The following XRCC5 variants were observed in gnomAD, a reference collection of about 807,000 sequenced individuals.
XRCC5 encodes the protein X-ray repair cross complementing 5, also known as DNA repair protein Ku80.
A neutral mutation model predicts 95.7 loss-of-function variants in XRCC5; 12 were observed. That is an observed-to-expected ratio of 0.13 (90% confidence interval 0.08 to 0.20). XRCC5 has a LOEUF of 0.20. Among genes scored for constraint, XRCC5 ranks in the 10% least tolerant of loss-of-function variants. XRCC5 has a pLI of 1.00. For synonymous variants in XRCC5, 281 were observed against 290.3 expected (o/e 0.97, Z 0.33); for missense variants, 595 against 873.9 (o/e 0.68, Z 4.02).
At chr2:216,138,022 G>T in intron 11 of XRCC5, 67 bp from the exon 12 acceptor site, 2 of 1,323,366 alleles carry the variant, frequency 1.5e-6, no homozygotes, top group Non-Finnish European at 2.1e-6. Context: ...CACAGAATTT[G>T]GGATCAGTTT....
rs754133659 is a variant in XRCC5 at position 216,141,200 on chromosome 2, G to T, written c.1357G>T (p.Ala453Ser). 1.9e-6 allele frequency: 3 copies of T among 1,614,100 alleles called. No individual in the cohort carries two copies. The South Asian group carries it at 3.3e-5, about 18-fold the overall frequency. The change falls in exon 13 of 21, where the codon GCT becomes TCT. Residue 453 changes from alanine (A) to serine (S), a missense_variant. By Grantham distance (99) the Ala-to-Ser change is moderately conservative. Coordinates refer to ENST00000392132, the MANE Select transcript of XRCC5 (RefSeq NM_021141.4). ...CTCTGTTTAAGAGGCACAGTTGAAT[G>T]CTGTTGATGCTTTGATTGACTCCAT... ...KYAPTEAQLN[A>S]VDALIDSMSL... is the part of the protein sequence containing the mutation.
At chr2:216,115,165 G>A (rs1404467065) in intron 2 of XRCC5, among the ~76,000 whole-genome samples, 1 of 118,022 alleles carries the variant, frequency 8.5e-6, no homozygotes, top group Non-Finnish European at 1.9e-5. Flanking sequence ...GCTTATGTCT[G>A]TCGTTTCAAT....
At chr2:216,183,541 A>G (rs1355583875) in intron 16 of XRCC5, among the ~76,000 whole-genome samples, 1 of 152,190 alleles carries the variant, frequency 6.6e-6, no homozygotes, top group South Asian at 2.1e-4. Context: ...ACAGGACTGC[A>G]TCTGTGTGTT....
intron 16 of XRCC5, among the ~76,000 whole-genome samples, chr2:216,172,967 T>C (rs1689198480): frequency 6.6e-6 from 1 of 152,208 alleles, no homozygotes; most frequent in African/African-American, 2.4e-5. Flanking sequence ...GCTCTTTTAT[T>C]AAATTTATTG....
chr2:216,116,562 T>C, intron 2 of XRCC5, 97 bp from the exon 3 acceptor site: 1 of 1,373,648 alleles, frequency 7.3e-7, no homozygotes, highest in South Asian at 1.2e-5. Flanking sequence ...GGACCTGCCA[T>C]AGGGAGGTCT....
At chr2:216,126,389 G>T (rs1448231330) in intron 7 of XRCC5, among the ~76,000 whole-genome samples, 1 of 152,156 alleles carries the variant, frequency 6.6e-6, no homozygotes, top group Non-Finnish European at 1.5e-5. Context: ...ATGCACCAAA[G>T]TTAAGTTCAG....
chr2:216,154,702 T>A (rs1383671051), intron 14 of XRCC5, among the ~76,000 whole-genome samples: 1 of 152,212 alleles, frequency 6.6e-6, no homozygotes. Flanking sequence ...TGAACTGTCT[T>A]CCCAGAAAAA....
intron 18 of XRCC5, among the ~76,000 whole-genome samples, chr2:216,193,890 G>A (rs1307843912): frequency 1.3e-5 from 2 of 152,158 alleles, no homozygotes; most frequent in African/African-American, 2.4e-5. Flanking sequence ...AGGAAGAAGA[G>A]CAAACTAAAG....
At chr2:216,156,895 G>A (rs774769875) in intron 14 of XRCC5, 7 of 329,872 alleles carry the variant, frequency 2.1e-5, no homozygotes, top group Non-Finnish European at 3.6e-5. Context: ...AAGGAAAATG[G>A]AAGAAGGGCT....
intron 16 of XRCC5, among the ~76,000 whole-genome samples, chr2:216,187,684 T>TA: frequency 6.6e-6 from 1 of 151,884 alleles, no homozygotes. Flanking sequence ...ATGCTCTTTT[T>TA]ACTCTTTTCC....
intron 13 of XRCC5, among the ~76,000 whole-genome samples, chr2:216,142,274 T>G (rs1445956031): frequency 6.6e-6 from 1 of 152,158 alleles, no homozygotes; most frequent in African/African-American, 2.4e-5. Flanking sequence ...TAATATAACA[T>G]TGTTAGAGAA....
chr2:216,121,270 C>T (rs1292145854), intron 5 of XRCC5, among the ~76,000 whole-genome samples: 1 of 152,224 alleles, frequency 6.6e-6, no homozygotes, highest in East Asian at 1.9e-4. Context: ...ATGCAAATTA[C>T]ATCATGCTGT....
chr2:216,140,286 A>T (rs1200145473), intron 12 of XRCC5, among the ~76,000 whole-genome samples: 1 of 152,248 alleles, frequency 6.6e-6, no homozygotes, highest in Non-Finnish European at 1.5e-5. Context: ...AGTATAATGT[A>T]CTTTTTAGGA....
chr2:216,128,298 C>T (rs1277485165), intron 8 of XRCC5, among the ~76,000 whole-genome samples: 1 of 152,054 alleles, frequency 6.6e-6, no homozygotes, highest in Non-Finnish European at 1.5e-5. Flanking sequence ...AAACAAGAGT[C>T]CTTAGATAAA....
intron 3 of XRCC5, 149 bp downstream of exon 3, chr2:216,116,991 T>G (rs1696709221): frequency 1.2e-6 from 1 of 822,712 alleles, no homozygotes; most frequent in Non-Finnish European, 1.9e-6. Context: ...TTAATAGGGT[T>G]TAATGTGAAA....
chr2:216,189,347 G>C (rs1380535198), intron 16 of XRCC5, among the ~76,000 whole-genome samples: 2 of 152,220 alleles, frequency 1.3e-5, no homozygotes, highest in Non-Finnish European at 2.9e-5. Context: ...GGAGCCTTTA[G>C]GCATGATTAC....
intron 16 of XRCC5, chr2:216,175,266 C>A: frequency 2.3e-6 from 1 of 426,142 alleles, no homozygotes; most frequent in Non-Finnish European, 4.6e-6. Flanking sequence ...CCATAACCAC[C>A]TCTGCTGCCA....
intron 14 of XRCC5, among the ~76,000 whole-genome samples, chr2:216,155,571 G>A (rs1370338015): frequency 6.6e-6 from 1 of 152,194 alleles, no homozygotes; most frequent in African/African-American, 2.4e-5. Flanking sequence ...GACATTAGAA[G>A]CAACCAGTGT....
At chr2:216,132,996 C>G (rs1302602947) in intron 10 of XRCC5, among the ~76,000 whole-genome samples, 16 of 152,108 alleles carry the variant, frequency 1.1e-4, no homozygotes, top group Admixed American at 9.8e-4. Flanking sequence ...TTTCCAAGTT[C>G]CTGAAGTATT....
Sources: gnomAD v4.1 joint callset for allele counts (sites outside exome capture counted in the v4.1 genomes callset) on GRCh38, gnomAD v4.1.1 for gene constraint, MANE v1.5 for transcripts, NCBI Gene and HGNC (gene_info 2026-07-23, HGNC 2026-07-21) for gene names.